CALN1: variants seen among roughly 807,000 people sequenced by gnomAD.
CALN1 encodes calneuron 1.
A neutral mutation model predicts 30.6 loss-of-function variants in CALN1; 17 were observed. That is an observed-to-expected ratio of 0.56 (90% CI 0.38 to 0.83). The LOEUF is 0.83. CALN1 is among the 40% of genes least tolerant of loss of function. CALN1 has a pLI of 0.00. For synonymous variants in CALN1, 156 were observed against 131.4 expected (o/e 1.19, Z -1.28); for missense variants, 291 against 354.9 (o/e 0.82, Z 1.45).
At chr7:71,913,488 A>AT (rs1202012604) in intron 5 of CALN1, among the ~76,000 whole-genome samples, 1 of 152,216 alleles carries the variant, frequency 6.6e-6, no homozygotes, top group Admixed American at 6.5e-5. Context: ...CTCTCTATGT[A>AT]TAAGAAAGAA....
At chr7:71,879,366 C>T (rs898479064) in intron 5 of CALN1, among the ~76,000 whole-genome samples, 1 of 152,096 alleles carries the variant, frequency 6.6e-6, no homozygotes, top group East Asian at 1.9e-4. Context: ...AGAAGATAAG[C>T]CTACTTACAT....
At chr7:72,450,157 G>A (rs983663813), upstream of CALN1, among the ~76,000 whole-genome samples, 2 of 152,090 alleles carry the variant, frequency 1.3e-5, no homozygotes, top group Admixed American at 1.3e-4. Context: ...CGTGAGCCAC[G>A]ATGGTGCTAC....
At chr7:72,308,827 T>C (rs1157598644) in intron 2 of CALN1, among the ~76,000 whole-genome samples, 1 of 152,166 alleles carries the variant, frequency 6.6e-6, no homozygotes, top group Non-Finnish European at 1.5e-5. Flanking sequence ...CATGGAGTGA[T>C]AATGATTCTA....
the CALN1 span, among the ~76,000 whole-genome samples, chr7:72,466,933 G>A: frequency 6.6e-6 from 1 of 152,172 alleles, no homozygotes; most frequent in South Asian, 2.1e-4. Flanking sequence ...TATGTAGGAA[G>A]TGAAGGATGT....
intron 3 of CALN1, among the ~76,000 whole-genome samples, chr7:72,155,226 C>A (rs1787571178): frequency 1.3e-5 from 2 of 152,160 alleles, no homozygotes; most frequent in Admixed American, 6.5e-5. Context: ...CTTGCCAACA[C>A]CTTGGGCTTC....
intron 5 of CALN1, among the ~76,000 whole-genome samples, chr7:71,863,396 A>G (rs1791406222): frequency 6.6e-6 from 1 of 151,786 alleles, no homozygotes; most frequent in Non-Finnish European, 1.5e-5. Flanking sequence ...CGACTCTACT[A>G]AAAATACAAA....
intron 3 of CALN1, among the ~76,000 whole-genome samples, chr7:72,115,331 C>T (rs1369823700): frequency 2.7e-5 from 4 of 148,106 alleles, no homozygotes; most frequent in Admixed American, 6.8e-5. Flanking sequence ...TTAGCACCAT[C>T]ATCTCCACCT....
At position 71,896,119 on chromosome 7, in the gene CALN1, A is replaced by G. The variant is rs538284936; in HGVS notation, c.502-85627T>C. 1.2e-4 allele frequency among the ~76,000 whole-genome samples: 19 copies of G among 152,288 alleles called. No individual in the cohort carries two copies. In the East Asian group the frequency reaches 3.7e-3, roughly 29 times the overall value. ...CAATTATTCTGAAAATGACACTCAC[A>G]ATACCTTTCCATTTTAATAATATAC... On this transcript the variant is annotated intron_variant, in intron 5 of 6. Transcript: ENST00000395275.
intron 3 of CALN1, among the ~76,000 whole-genome samples, chr7:72,230,367 T>A (rs185333626): frequency 1.6e-5 from 2 of 125,100 alleles, no homozygotes; most frequent in Admixed American, 1.6e-4. Flanking sequence ...ATTAGCTGGG[T>A]GTGGTAGCAT....
intron 2 of CALN1, among the ~76,000 whole-genome samples, chr7:72,300,867 C>T (rs1399493037): frequency 6.6e-6 from 1 of 152,082 alleles, no homozygotes; most frequent in Non-Finnish European, 1.5e-5. Context: ...GTGGCACGTG[C>T]CTGTAATCCC....
intron 5 of CALN1, among the ~76,000 whole-genome samples, chr7:71,815,535 C>A (rs1788207658): frequency 6.6e-6 from 1 of 152,184 alleles, no homozygotes; most frequent in African/African-American, 2.4e-5. Context: ...AACCATCCCA[C>A]AAAGGACGCG....
chr7:72,441,291 G>A (rs760642995), intron 1 of CALN1, among the ~76,000 whole-genome samples: 8 of 151,928 alleles, frequency 5.3e-5, no homozygotes, highest in Non-Finnish European at 1.2e-4. Flanking sequence ...GGAGAAAGGA[G>A]TAAGTTAAAA....
At chr7:71,827,165 C>T (rs960233429) in intron 5 of CALN1, among the ~76,000 whole-genome samples, 2 of 152,192 alleles carry the variant, frequency 1.3e-5, no homozygotes, top group Non-Finnish European at 2.9e-5. Context: ...TGGCGTGTCA[C>T]TTAAATGAAG....
intron 3 of CALN1, among the ~76,000 whole-genome samples, chr7:72,210,628 C>T (rs371163381): frequency 6.6e-6 from 1 of 152,002 alleles, no homozygotes; most frequent in Admixed American, 6.6e-5. Context: ...GGAGGAACTA[C>T]CAAACACTTA....
chr7:72,472,467 T>C, the CALN1 span, among the ~76,000 whole-genome samples: 2 of 152,144 alleles, frequency 1.3e-5, no homozygotes, highest in African/African-American at 4.8e-5. Flanking sequence ...GAGCTTTTGC[T>C]GTGTTTCCAG....
the CALN1 span, among the ~76,000 whole-genome samples, chr7:72,463,951 AGAAGGAAG>A: frequency 9.6e-5 from 12 of 125,052 alleles, no homozygotes; most frequent in African/African-American, 2.8e-4. Context: ...ACAAAGTGAG[AGAAGGAAG>A]GAAGGAAGGA....
chr7:72,139,281 T>C (rs561604609), intron 3 of CALN1, among the ~76,000 whole-genome samples: 264 of 152,166 alleles, frequency 1.7e-3, no homozygotes, highest in Admixed American at 6.7e-3. Context: ...CCTACCATCT[T>C]CTAAGCACCT....
At chr7:72,346,913 A>T (rs1282706314) in intron 2 of CALN1, among the ~76,000 whole-genome samples, 1 of 152,214 alleles carries the variant, frequency 6.6e-6, no homozygotes, top group Non-Finnish European at 1.5e-5. Context: ...AGCAAATTGG[A>T]CACAGTAGAA....
At chr7:72,124,344 TG>T in intron 3 of CALN1, among the ~76,000 whole-genome samples, 1 of 152,158 alleles carries the variant, frequency 6.6e-6, no homozygotes, top group East Asian at 1.9e-4. Flanking sequence ...AATTCACTTT[TG>T]GAAAATTAAA....
Sources: gnomAD v4.1 joint callset for allele counts (sites outside exome capture counted in the v4.1 genomes callset) on GRCh38, gnomAD v4.1.1 for gene constraint, MANE v1.5 for transcripts, NCBI Gene and HGNC (gene_info 2026-07-23, HGNC 2026-07-21) for gene names.